The following CACNB1 variants were observed in gnomAD, a reference collection of about 807,000 sequenced individuals.
CACNB1 encodes the protein calcium voltage-gated channel auxiliary subunit beta 1.
Under a neutral mutation model 71.6 loss-of-function variants are expected in CACNB1, and 29 were observed. That is an observed-to-expected ratio of 0.40 (90% confidence interval 0.30 to 0.55). The LOEUF is 0.55. Ranked by LOEUF, CACNB1 falls within the 20% of genes least tolerant of loss-of-function variation. The pLI is 0.38. For synonymous variants in CACNB1, 300 were observed against 319.6 expected (o/e 0.94, Z 0.65); for missense variants, 623 against 801.8 (o/e 0.78, Z 2.69).
intron 2 of CACNB1, chr17:39,191,848 C>T (rs982209618): frequency 2.1e-6 from 1 of 483,370 alleles, no homozygotes; most frequent in Non-Finnish European, 3.6e-6. Flanking sequence ...AGGACAGCTG[C>T]TTGGGGCCCA....
intron 3 of CACNB1, among the ~76,000 whole-genome samples, chr17:39,191,155 G>A (rs1206064358): frequency 6.6e-6 from 1 of 152,096 alleles, no homozygotes; most frequent in Non-Finnish European, 1.5e-5. Flanking sequence ...AGTGAGCCGA[G>A]ATCATGCCAC....
intron 1 of CACNB1, among the ~76,000 whole-genome samples, chr17:39,195,874 G>C (rs1359834574): frequency 1.3e-5 from 2 of 152,278 alleles, no homozygotes; most frequent in South Asian, 4.1e-4. Flanking sequence ...AGATCTCTAG[G>C]GGGTAAGCTG....
chr17:39,188,292 A>C (rs1299664717), intron 3 of CACNB1, among the ~76,000 whole-genome samples: 1 of 151,790 alleles, frequency 6.6e-6, no homozygotes, highest in East Asian at 2.0e-4. Context: ...AAAAAAAAAA[A>C]AGTCTGGGCG....
Position 39,175,760 on chromosome 17 carries a change from G to T in CACNB1, c.1333-103C>A. 1 of 940,568 alleles carries T rather than the reference G, an allele frequency of 1.1e-6. No homozygotes were observed. Among genetic ancestry groups the T allele is most frequent in the Non-Finnish European group, 1.6e-6 (1 of 639,594 alleles). 58.3% of individuals were successfully genotyped at this position (940,568 alleles called of 1,614,324 possible). ...TGACAGCATTAAGAGGTCCGGCCTG[G>T]ATGAAGAGGGTGCTGGCTCTAGAGG... On this transcript the variant is annotated intron_variant, in intron 13 of 13. Transcript: ENST00000394303. The surrounding 1 kb of genome is among the most constrained non-coding windows in gnomAD (Gnocchi z 4.7).
At chr17:39,188,519 A>T (rs1313776571) in intron 3 of CACNB1, among the ~76,000 whole-genome samples, 2 of 152,088 alleles carry the variant, frequency 1.3e-5, no homozygotes, top group Non-Finnish European at 2.9e-5. Context: ...AGTTGCAGTG[A>T]GCCGAGATCA....
At chr17:39,191,330 G>A in intron 3 of CACNB1, 144 bp downstream of exon 3, 1 of 659,956 alleles carries the variant, frequency 1.5e-6, no homozygotes, top group African/African-American at 1.9e-5. Flanking sequence ...CCCACATTGT[G>A]CAGGTGAAGG....
intron 11 of CACNB1, among the ~76,000 whole-genome samples, chr17:39,182,330 A>T (rs992436325): frequency 1.3e-5 from 2 of 150,972 alleles, no homozygotes; most frequent in African/African-American, 4.9e-5. Context: ...GTCTCAAAAA[A>T]AAAAAAGGTT....
intron 3 of CACNB1, 38 bp from the exon 4 acceptor site, chr17:39,187,639 G>T: frequency 6.2e-7 from 1 of 1,611,932 alleles, no homozygotes; most frequent in Non-Finnish European, 8.5e-7. Flanking sequence ...CAACTAGAGG[G>T]CAAACCACAA....
chr17:39,190,521 T>C (rs777417535), intron 3 of CACNB1, among the ~76,000 whole-genome samples: 8 of 152,168 alleles, frequency 5.3e-5, no homozygotes, highest in Middle Eastern at 3.4e-3. Context: ...TCCGCCTCCT[T>C]AGTTCAAGCG....
Position 39,175,164 on chromosome 17 carries a change from C to T in CACNB1, c.*29G>A. The T allele has an allele frequency of 1.3e-6, 2 of 1,565,718 alleles. No individual in the cohort carries two copies. Among genetic ancestry groups the T allele is most frequent in the Non-Finnish European group, 1.7e-6 (2 of 1,146,240 alleles). On this transcript the variant is annotated 3_prime_UTR_variant, in exon 14 of 14. Transcript: ENST00000394303. This position sits in a 1 kb window ranked among gnomAD's most constrained non-coding sequence, Gnocchi z 4.7. ...CCCTCCCCTCCCCTGGGCTCAGAGC[C>T]CTTCCTCCCGCCGTGTGGCCCCTGC...
At chr17:39,191,761 G>A (rs2046086741) in intron 2 of CACNB1, 168 bp from the exon 3 acceptor site, 3 of 623,520 alleles carry the variant, frequency 4.8e-6, no homozygotes, top group African/African-American at 3.9e-5. Context: ...ACCAGGAGCT[G>A]AGATTTCTCA....
At position 39,175,131 on chromosome 17, in the gene CACNB1, C is replaced by T; in HGVS notation, c.*62G>A. The T allele has an allele frequency of 7.5e-7, 1 of 1,342,092 alleles. No homozygotes were observed. The highest frequency in any genetic ancestry group is 1.3e-5 in the South Asian group (1 of 74,822). The allele number at this position is 1,342,092 out of a possible 1,614,324, so 83.1% of individuals were successfully genotyped here. A position where few individuals can be genotyped will look rare whatever the true frequency, so the allele number is the denominator to read the frequency against. On this transcript the variant is annotated 3_prime_UTR_variant, in exon 14 of 14. Transcript: ENST00000394303. This position sits in a 1 kb window ranked among gnomAD's most constrained non-coding sequence, Gnocchi z 4.7. ...AGGCGAATACATGTCAGGTGTGAGC[C>T]CCTCGCTCCCTCCCCTCCCCTGGGC... is the stretch of plus-strand genomic sequence containing the variant.
intron 3 of CACNB1, among the ~76,000 whole-genome samples, chr17:39,189,456 A>G (rs2046019852): frequency 6.6e-6 from 1 of 152,038 alleles, no homozygotes; most frequent in Admixed American, 6.6e-5. Flanking sequence ...TGAGGGAAGG[A>G]GTCTGAGACC....
In CACNB1 at chr17:39,195,652, C is replaced by T. The variant is rs148242285; in HGVS notation, c.85-682G>A. Among the ~76,000 whole-genome samples the T allele has an allele frequency of 7.2e-3, 1,097 of 152,298 alleles. 10 individuals are homozygous for T. Among genetic ancestry groups the T allele is most frequent in the Non-Finnish European group, 0.011 (777 of 68,018 alleles). ...ATGGGGGCAAATTTTGCTCCCCACT[C>T]TCATCCCTTGCCCAGACAGGACTTT... On this transcript the variant is annotated intron_variant, in intron 1 of 13. Coordinates refer to ENST00000394303, the MANE Select transcript of CACNB1 (RefSeq NM_000723.5).
chr17:39,190,505 C>T (rs55794152), intron 3 of CACNB1, among the ~76,000 whole-genome samples: 6 of 152,128 alleles, frequency 3.9e-5, no homozygotes, highest in Admixed American at 1.3e-4. Flanking sequence ...TCAGCTCACT[C>T]CAGCCTCCGC....
rs998808760 is a variant in CACNB1 at position 39,175,057 on chromosome 17, C to T, written c.*136G>A. 9 of 775,600 alleles carry T rather than the reference C, an allele frequency of 1.2e-5. No individual in the cohort carries two copies. The African/African-American group carries it at 1.4e-4, about 12-fold the overall frequency. 48.0% of individuals were successfully genotyped at this position (775,600 alleles called of 1,614,324 possible). A position where few individuals can be genotyped will look rare whatever the true frequency, so the allele number is the denominator to read the frequency against. ...CTGGGATGGTAACACCAAAGAAACC[C>T]CAAGCTTTGAGCAAAGGCATCTGAA... On this transcript the variant is annotated 3_prime_UTR_variant, in exon 14 of 14. Coordinates refer to ENST00000394303, the MANE Select transcript of CACNB1 (RefSeq NM_000723.5). The surrounding 1 kb of genome is among the most constrained non-coding windows in gnomAD (Gnocchi z 4.7).
rs2045948047 is a variant in CACNB1, at chr17:39,186,630, C to T, written c.552-58G>A. On this transcript the variant is annotated intron_variant, in intron 5 of 13. Coordinates refer to ENST00000394303, the MANE Select transcript of CACNB1 (RefSeq NM_000723.5). The surrounding 1 kb of genome is among the most constrained non-coding windows in gnomAD (Gnocchi z 4.1). Reference sequence around the variant, plus strand: ...CAAAGAGGTGGGCGTGGGGGGCTCTCATCCTCTCACATGCGGCACCCCCGG... The same window carrying T: ...CAAAGAGGTGGGCGTGGGGGGCTCTTATCCTCTCACATGCGGCACCCCCGG... 5.2e-6 allele frequency: 8 copies of T among 1,528,000 alleles called. No homozygotes were observed. The highest frequency in any genetic ancestry group is 1.4e-5 in the African/African-American group (1 of 73,406). The allele number at this position is 1,528,000 out of a possible 1,614,324, so 94.7% of individuals were successfully genotyped here. A position where few individuals can be genotyped will look rare whatever the true frequency, so the allele number is the denominator to read the frequency against.
intron 8 of CACNB1, 118 bp from the exon 9 acceptor site, chr17:39,184,501 T>C (rs563757165): frequency 2.3e-4 from 160 of 687,596 alleles, no homozygotes; most frequent in East Asian, 1.8e-3. Context: ...GACAGGCCTT[T>C]ACGGCGGGCG....
chr17:39,188,487 A>G (rs1281621040), intron 3 of CACNB1, among the ~76,000 whole-genome samples: 4 of 151,952 alleles, frequency 2.6e-5, no homozygotes, highest in African/African-American at 9.7e-5. Context: ...AGGCAGGAGA[A>G]TTACTTCAAC....
Sources: allele counts gnomAD v4.1 joint callset (sites outside exome capture counted in the v4.1 genomes callset), GRCh38; gene constraint gnomAD v4.1.1; non-coding constraint Gnocchi (gnomAD v3.1); transcripts MANE v1.5; gene names NCBI Gene and HGNC (gene_info 2026-07-23, HGNC 2026-07-21).